Variants in SDK1 observed in about 807,000 individuals in gnomAD.
SDK1 encodes sidekick cell adhesion molecule 1, also known as protein sidekick-1.
Under a neutral mutation model 245.5 loss-of-function variants are expected in SDK1, and 157 were observed. The ratio of observed to expected loss-of-function variants is 0.64; its 90% CI spans 0.56 to 0.73. The LOEUF (loss-of-function observed/expected upper bound fraction) is 0.73, where lower values mean the gene tolerates loss of function less well. Among genes scored for constraint, SDK1 ranks in the 30% least tolerant of loss-of-function variants. The pLI is 0.00. For synonymous variants in SDK1, 1,647 were observed against 1,278.5 expected, an observed-to-expected ratio of 1.29 and a Z score of -6.15; for missense variants, 3,583 against 3,002.3, an observed-to-expected ratio of 1.19 and a Z score of -4.52.
At chr7:3,371,180 T>A (rs1562446287) in intron 1 of SDK1, among the ~76,000 whole-genome samples, 2 of 152,110 alleles carry the variant, frequency 1.3e-5, no homozygotes, top group East Asian at 3.9e-4. Flanking sequence ...CTAGCCAGGC[T>A]CAGAGGAGAA....
At chr7:4,141,067 T>G (rs1297859203) in intron 28 of SDK1, among the ~76,000 whole-genome samples, 3 of 152,196 alleles carry the variant, frequency 2.0e-5, no homozygotes, top group Non-Finnish European at 4.4e-5. Flanking sequence ...CAGGAGCTTC[T>G]GAGAGAGAGG....
rs892684838 is a variant in SDK1 at position 3,460,661 on chromosome 7, G to A, written c.299-158419G>A. Among the ~76,000 whole-genome samples, 4 of 151,946 alleles carry A rather than the reference G, an allele frequency of 2.6e-5. No individual in the cohort carries two copies. The East Asian group carries it at 5.8e-4, about 22-fold the overall frequency. On this transcript the variant is annotated intron_variant, in intron 1 of 44. Coordinates refer to ENST00000404826, the MANE Select transcript of SDK1 (RefSeq NM_152744.4). ...ATTTTATAGGTTCTATAAAATAATC[G>A]GAAAGGAATTAGAAATAGTTTTGTG...
At chr7:3,714,794 C>A (rs1485449317) in intron 4 of SDK1, among the ~76,000 whole-genome samples, 1 of 152,164 alleles carries the variant, frequency 6.6e-6, no homozygotes, top group African/African-American at 2.4e-5. Context: ...GTTCATTTCC[C>A]ACTTGTGCCA....
chr7:3,461,964 C>G (rs755768059), intron 1 of SDK1, among the ~76,000 whole-genome samples: 3 of 152,148 alleles, frequency 2.0e-5, no homozygotes, highest in Non-Finnish European at 2.9e-5. Context: ...ATGTTCAAGA[C>G]TCTTCTGTAT....
chr7:4,018,616 A>G (rs1333796384), intron 17 of SDK1, among the ~76,000 whole-genome samples: 1 of 152,268 alleles, frequency 6.6e-6, no homozygotes, highest in Non-Finnish European at 1.5e-5. Context: ...TCATATTGCT[A>G]TTAGTAATCC....
chr7:3,679,135 C>G (rs1316956536), intron 4 of SDK1, among the ~76,000 whole-genome samples: 1 of 152,154 alleles, frequency 6.6e-6, no homozygotes, highest in African/African-American at 2.4e-5. Flanking sequence ...TGCTCTGGGA[C>G]AGATGCTGCA....
At chr7:3,527,720 G>A (rs1164095029) in intron 1 of SDK1, among the ~76,000 whole-genome samples, 1 of 149,980 alleles carries the variant, frequency 6.7e-6, no homozygotes, top group Non-Finnish European at 1.5e-5. Context: ...CAACTAGGGG[G>A]TGAGTGGTAG....
intron 4 of SDK1, among the ~76,000 whole-genome samples, chr7:3,717,487 G>A (rs778415719): frequency 1.3e-5 from 2 of 151,934 alleles, no homozygotes; most frequent in Admixed American, 6.5e-5. Flanking sequence ...TTAGAAAGAG[G>A]GAAGTCTCAA....
chr7:3,409,744 A>T (rs150837116), intron 1 of SDK1, among the ~76,000 whole-genome samples: 4 of 152,078 alleles, frequency 2.6e-5, no homozygotes, highest in Non-Finnish European at 5.9e-5. Flanking sequence ...TGAGAGGAGA[A>T]CCACGCTTTG....
At chr7:3,633,698 A>C (rs1287554400) in intron 2 of SDK1, among the ~76,000 whole-genome samples, 1 of 152,208 alleles carries the variant, frequency 6.6e-6, no homozygotes, top group Admixed American at 6.5e-5. Flanking sequence ...AATATATTTC[A>C]GCCAAAATTA....
intron 13 of SDK1, among the ~76,000 whole-genome samples, chr7:3,981,394 A>G (rs1783391377): frequency 6.6e-6 from 1 of 152,160 alleles, no homozygotes; most frequent in African/African-American, 2.4e-5. Flanking sequence ...TGGCCAGTTA[A>G]TAACCCTGCA....
At chr7:3,580,851 C>T (rs1291800316) in intron 1 of SDK1, among the ~76,000 whole-genome samples, 3 of 151,056 alleles carry the variant, frequency 2.0e-5, no homozygotes, top group African/African-American at 7.3e-5. Flanking sequence ...GCCTGTAGTC[C>T]CAGCTACTCG....
Position 4,267,330 on chromosome 7 carries a change from C to T in SDK1, c.*1946C>T, listed in dbSNP as rs1249575150. ...TCTTTCCCTCCCTCCCTTCCTCTCT[C>T]CCCTATTCCTTCTTCCTTTTCTCCT... is the stretch of plus-strand genomic sequence containing the variant. On this transcript the variant is annotated 3_prime_UTR_variant, in exon 45 of 45. Transcript: ENST00000404826. 2 of 894,518 alleles carry T rather than the reference C, an allele frequency of 2.2e-6. No individual in the cohort carries two copies. The highest frequency in any genetic ancestry group is 1.1e-4 in the South Asian group (2 of 18,960). 55.4% of individuals were successfully genotyped at this position (894,518 alleles called of 1,614,324 possible).
intron 4 of SDK1, among the ~76,000 whole-genome samples, chr7:3,679,633 A>G (rs1423921351): frequency 6.6e-6 from 1 of 152,250 alleles, no homozygotes; most frequent in African/African-American, 2.4e-5. Flanking sequence ...TACAGATGTC[A>G]AACAGGTATA....
chr7:3,562,736 C>T (rs1248966154), intron 1 of SDK1, among the ~76,000 whole-genome samples: 2 of 152,218 alleles, frequency 1.3e-5, no homozygotes, highest in Admixed American at 1.3e-4. Flanking sequence ...GCTTTTGCCT[C>T]TCCTATTGCC....
intron 22 of SDK1, among the ~76,000 whole-genome samples, chr7:4,096,155 A>C (rs1782138682): frequency 6.6e-6 from 1 of 152,172 alleles, no homozygotes; most frequent in Non-Finnish European, 1.5e-5. Context: ...ACATCAGGCA[A>C]TGTCAAGGCT....
At chr7:3,939,067 A>G (rs1780263833) in intron 5 of SDK1, among the ~76,000 whole-genome samples, 1 of 152,238 alleles carries the variant, frequency 6.6e-6, no homozygotes, top group South Asian at 2.1e-4. Context: ...AGAGAATTGG[A>G]AATGGGATAT....
intron 14 of SDK1, among the ~76,000 whole-genome samples, chr7:3,991,512 GT>G (rs1375887537): frequency 1.3e-5 from 2 of 152,148 alleles, no homozygotes; most frequent in African/African-American, 4.8e-5. Context: ...CCCTGTGTTG[GT>G]CCTCTGTGCT....
chr7:3,970,117 C>G (rs1033080781), intron 11 of SDK1, among the ~76,000 whole-genome samples: 2 of 152,220 alleles, frequency 1.3e-5, no homozygotes, highest in Non-Finnish European at 2.9e-5. Flanking sequence ...TCTGTCTCAT[C>G]TCAATCTGTA....
Sources: allele counts gnomAD v4.1 joint callset (sites outside exome capture counted in the v4.1 genomes callset), GRCh38; gene constraint gnomAD v4.1.1; transcripts MANE v1.5; gene names NCBI Gene and HGNC (gene_info 2026-07-23, HGNC 2026-07-21).